CHLSN: variants seen among roughly 807,000 people sequenced by gnomAD.
CHLSN encodes the protein cholesin, also known as protein cholesin.
the CHLSN span, among the ~76,000 whole-genome samples, chr7:1,014,454 C>T: frequency 6.6e-6 from 1 of 152,274 alleles, no homozygotes; most frequent in East Asian, 1.9e-4. Context: ...ATCTGTGTGA[C>T]ACGGGCCCTG....
the CHLSN span, among the ~76,000 whole-genome samples, chr7:1,064,651 C>T: frequency 6.6e-6 from 1 of 152,214 alleles, no homozygotes; most frequent in African/African-American, 2.4e-5. Flanking sequence ...CCAGAGCCAG[C>T]CCTGCATCCA....
chr7:1,027,588 G>T, the CHLSN span, among the ~76,000 whole-genome samples: 4 of 152,256 alleles, frequency 2.6e-5, no homozygotes, highest in African/African-American at 9.6e-5. Context: ...GGCCTGCTCC[G>T]CCGTCCTCAG....
the CHLSN span, among the ~76,000 whole-genome samples, chr7:1,118,799 C>CAAAAAAAAAAAA: frequency 2.6e-5 from 2 of 76,244 alleles, no homozygotes; most frequent in Non-Finnish European, 4.9e-5. Context: ...CCATCTCTAC[C>CAAAAAAAAAAAA]AAAAAAAAAA....
chr7:1,006,325 G>C, the CHLSN span, among the ~76,000 whole-genome samples: 3 of 152,098 alleles, frequency 2.0e-5, no homozygotes, highest in African/African-American at 7.2e-5. Flanking sequence ...CACAGTGCAG[G>C]GAAAGAGCAC....
the CHLSN span, among the ~76,000 whole-genome samples, chr7:1,034,642 G>A: frequency 6.6e-6 from 1 of 152,202 alleles, no homozygotes; most frequent in African/African-American, 2.4e-5. Flanking sequence ...GTTTAGGGGT[G>A]CCTGTGCAGG....
At chr7:1,050,588 G>A in the CHLSN span, among the ~76,000 whole-genome samples, 1 of 152,246 alleles carries the variant, frequency 6.6e-6, no homozygotes, top group Non-Finnish European at 1.5e-5. Flanking sequence ...GGTGCAGGCG[G>A]ACGGACGCGG....
the CHLSN span, among the ~76,000 whole-genome samples, chr7:1,102,226 C>T: frequency 1.6e-4 from 25 of 152,364 alleles, no homozygotes; most frequent in African/African-American, 4.1e-4. Flanking sequence ...CAAAGCCAAC[C>T]GCATTATTCA....
chr7:1,012,525 C>G, the CHLSN span, among the ~76,000 whole-genome samples: 3 of 152,362 alleles, frequency 2.0e-5, no homozygotes, highest in South Asian at 6.2e-4. Context: ...TCCTTCACAC[C>G]CACTCTTGCT....
the CHLSN span, among the ~76,000 whole-genome samples, chr7:1,040,182 T>TAAAAAAAA: frequency 4.6e-4 from 44 of 96,096 alleles, 1 homozygote; most frequent in African/African-American, 1.7e-3. Context: ...AAAAATAAAT[T>TAAAAAAAA]TAAAAAAAAA....
the CHLSN span, among the ~76,000 whole-genome samples, chr7:1,015,475 C>T: frequency 6.6e-6 from 1 of 152,356 alleles, no homozygotes; most frequent in South Asian, 2.1e-4. Context: ...GGCATCCACG[C>T]CGCTCTGGAC....
chr7:1,008,994 CAT>C, the CHLSN span, among the ~76,000 whole-genome samples: 3 of 57,868 alleles, frequency 5.2e-5, no homozygotes, highest in Non-Finnish European at 1.0e-4. Flanking sequence ...TGCGAACACA[CAT>C]ACACGCACAC....
the CHLSN span, among the ~76,000 whole-genome samples, chr7:1,048,940 C>T: frequency 3.9e-4 from 59 of 152,232 alleles, no homozygotes; most frequent in Non-Finnish European, 6.5e-4. Flanking sequence ...AGTGAAACAT[C>T]GGGAAATTCA....
At chr7:1,134,230 G>A in the CHLSN span, among the ~76,000 whole-genome samples, 1 of 150,096 alleles carries the variant, frequency 6.7e-6, no homozygotes, top group Admixed American at 6.7e-5. Flanking sequence ...TCACGATCAC[G>A]CCATGATACT....
chr7:1,022,344 C>T, the CHLSN span, among the ~76,000 whole-genome samples: 1 of 152,236 alleles, frequency 6.6e-6, no homozygotes, highest in Non-Finnish European at 1.5e-5. Flanking sequence ...TCCCACGTCC[C>T]ACAGCCCTCT....
the CHLSN span, among the ~76,000 whole-genome samples, chr7:1,030,761 C>T: frequency 2.0e-5 from 3 of 150,232 alleles, no homozygotes; most frequent in Non-Finnish European, 3.0e-5. Flanking sequence ...CCGGGGCACG[C>T]GGGGACTCTC....
the CHLSN span, among the ~76,000 whole-genome samples, chr7:1,085,236 CT>C: frequency 6.6e-6 from 1 of 152,196 alleles, no homozygotes; most frequent in Non-Finnish European, 1.5e-5. Flanking sequence ...AAGTTCTTTC[CT>C]TTTATTCTAT....
the CHLSN span, among the ~76,000 whole-genome samples, chr7:1,065,045 G>A: frequency 5.5e-4 from 84 of 152,148 alleles, no homozygotes; most frequent in African/African-American, 2.0e-3. Flanking sequence ...CTTGGGGCAC[G>A]AAGATTCTTC....
chr7:1,022,079 T>G, the CHLSN span, among the ~76,000 whole-genome samples: 52 of 152,290 alleles, frequency 3.4e-4, 1 homozygote, highest in South Asian at 2.9e-3. Context: ...CGAGGCCCCC[T>G]GGACAGGGCA....
At chr7:1,049,519 G>T in the CHLSN span, among the ~76,000 whole-genome samples, 2 of 152,202 alleles carry the variant, frequency 1.3e-5, no homozygotes, top group African/African-American at 4.8e-5. Flanking sequence ...CATGCTTGCT[G>T]CCCGCTCCAG....
Sources: allele counts gnomAD v4.1 joint callset (sites outside exome capture counted in the v4.1 genomes callset), GRCh38; gene constraint gnomAD v4.1.1; transcripts MANE v1.5; gene names NCBI Gene and HGNC (gene_info 2026-07-23, HGNC 2026-07-21).